Variants in RAB28 observed in about 807,000 individuals in gnomAD.
The protein encoded by RAB28 is ras-related protein Rab-28.
In RAB28, 24 loss-of-function variants were observed where a neutral mutation model predicts 31.7. The observed-to-expected ratio is 0.76, with a 90% CI of 0.55 to 1.06. The LOEUF (loss-of-function observed/expected upper bound fraction) is 1.06, where lower values mean the gene tolerates loss of function less well. RAB28 is among the 50% of genes least tolerant of loss of function. The probability of loss-of-function intolerance (pLI) is 0.00; values close to 1 mark genes in which losing one functional copy is unlikely to be tolerated. For synonymous variants in RAB28, 100 were observed against 90.4 expected, an observed-to-expected ratio of 1.11 and a Z score of -0.60; for missense variants, 254 against 258.5, an observed-to-expected ratio of 0.98 and a Z score of 0.12.
At chr4:13,385,113 G>C (rs1217021045) in intron 4 of RAB28, among the ~76,000 whole-genome samples, 1 of 152,180 alleles carries the variant, frequency 6.6e-6, no homozygotes, top group Non-Finnish European at 1.5e-5. Flanking sequence ...CCCAGAGCCT[G>C]AAGACTGGCT....
At chr4:13,444,421 T>A (rs947398965) in intron 4 of RAB28, among the ~76,000 whole-genome samples, 5 of 152,192 alleles carry the variant, frequency 3.3e-5, no homozygotes, top group Non-Finnish European at 7.3e-5. Flanking sequence ...TATCCATTTA[T>A]CCAATGATGG....
chr4:13,461,810 G>A (rs980811954), intron 3 of RAB28, among the ~76,000 whole-genome samples: 8 of 152,022 alleles, frequency 5.3e-5, no homozygotes, highest in Non-Finnish European at 1.0e-4. Flanking sequence ...CATTTATGTC[G>A]ACTTCTTAGG....
At chr4:13,394,614 G>A (rs1413862300) in intron 4 of RAB28, among the ~76,000 whole-genome samples, 2 of 152,152 alleles carry the variant, frequency 1.3e-5, no homozygotes, top group South Asian at 2.1e-4. Flanking sequence ...AACTGTTTAA[G>A]TCATTGGGAC....
chr4:13,483,434 A>T (rs547205523), intron 1 of RAB28, among the ~76,000 whole-genome samples: 5 of 152,370 alleles, frequency 3.3e-5, no homozygotes, highest in East Asian at 3.9e-4. Context: ...GGTGATGAAC[A>T]GGTATGATAT....
intron 6 of RAB28, among the ~76,000 whole-genome samples, chr4:13,374,546 C>T (rs1270805044): frequency 1.3e-5 from 2 of 152,102 alleles, no homozygotes; most frequent in Non-Finnish European, 2.9e-5. Context: ...AGCACCAGCC[C>T]ACCATTCCCC....
chr4:13,382,056 A>G (rs1729155083), intron 4 of RAB28, among the ~76,000 whole-genome samples: 1 of 152,254 alleles, frequency 6.6e-6, no homozygotes, highest in African/African-American at 2.4e-5. Flanking sequence ...CTTGAATGTT[A>G]GCACAAATAC....
Position 13,483,936 on chromosome 4 carries a change from T to C in RAB28, c.75+140A>G, listed in dbSNP as rs957554940. 6.6e-5 allele frequency: 49 copies of C among 745,454 alleles called. No individual in the cohort carries two copies. In the African/African-American group the frequency reaches 7.5e-4, roughly 11 times the overall value. The allele number at this position is 745,454 out of a possible 1,614,324, so 46.2% of individuals were successfully genotyped here. On this transcript the variant is annotated intron_variant, in intron 1 of 6. Coordinates refer to ENST00000330852, the MANE Select transcript of RAB28 (RefSeq NM_001017979.3). ...CCAAGCGCCCACTTCGTGTCCGGCC[T>C]CAGGCCACACAACCAGAAGGGCCCG...
At chr4:13,454,194 G>C (rs1159250828) in intron 4 of RAB28, among the ~76,000 whole-genome samples, 1 of 151,656 alleles carries the variant, frequency 6.6e-6, no homozygotes, top group Non-Finnish European at 1.5e-5. Context: ...ATTGGTTATG[G>C]GTTATATCCA....
chr4:13,404,375 T>C (rs751672258), intron 4 of RAB28, among the ~76,000 whole-genome samples: 13 of 152,086 alleles, frequency 8.5e-5, no homozygotes, highest in Non-Finnish European at 1.5e-4. Flanking sequence ...CGAAACTCCA[T>C]TTCAGAAAAT....
At chr4:13,482,776 G>C (rs963640136) in intron 1 of RAB28, among the ~76,000 whole-genome samples, 31 of 152,044 alleles carry the variant, frequency 2.0e-4, no homozygotes, top group African/African-American at 7.2e-4. Context: ...AAGAAGACAA[G>C]AAAGAAACAA....
In RAB28 at chr4:13,474,504, A is replaced by G. The variant is rs115759668; in HGVS notation, c.173-98T>C. On this transcript the variant is annotated intron_variant, in intron 2 of 6. Transcript: ENST00000330852. ...TATCACAGAATACTAAGTCACAATA[A>G]GAAACTCTGAGCCCAATTTGCCTTT... 2.9e-3 allele frequency: 1,913 copies of G among 669,522 alleles called. 19 individuals are homozygous for G. In the African/African-American group the frequency reaches 0.031, roughly 11 times the overall value. The allele number at this position is 669,522 out of a possible 1,614,324, so 41.5% of individuals were successfully genotyped here. A position where few individuals can be genotyped will look rare whatever the true frequency, so the allele number is the denominator to read the frequency against.
At chr4:13,401,528 T>A (rs903445014) in intron 4 of RAB28, among the ~76,000 whole-genome samples, 5 of 152,126 alleles carry the variant, frequency 3.3e-5, no homozygotes, top group African/African-American at 9.7e-5. Context: ...AGTAAAATAA[T>A]TTTAAAAAAA....
intron 4 of RAB28, among the ~76,000 whole-genome samples, chr4:13,395,124 A>G (rs1729815592): frequency 6.6e-6 from 1 of 152,356 alleles, no homozygotes; most frequent in African/African-American, 2.4e-5. Flanking sequence ...GTCACTTAAC[A>G]GTCTAAGTTT....
rs535728987 is a variant in RAB28 at position 13,431,783 on chromosome 4, TA to T, written c.391+28915del. The stretch of plus-strand genomic sequence containing the variant: ...TAATACCCTCAAGGAAAAAAAGAAT[TA>T]AAAAAGTAAAAAGCCCCAAAACAAC... On this transcript the variant is annotated intron_variant, in intron 4 of 6. Transcript: ENST00000330852. Among the ~76,000 whole-genome samples the T allele has an allele frequency of 3.6e-4, 55 of 150,702 alleles. No homozygotes were observed. In the South Asian group the frequency reaches 0.012, roughly 32 times the overall value.
At chr4:13,402,708 A>AT (rs1711843114) in intron 4 of RAB28, among the ~76,000 whole-genome samples, 2 of 152,122 alleles carry the variant, frequency 1.3e-5, no homozygotes, top group African/African-American at 4.8e-5. Context: ...TAATTGATAT[A>AT]TTTAGACCAG....
chr4:13,406,830 C>G lies in RAB28; in HGVS notation c.392-25236G>C, dbSNP rs183860690. On this transcript the variant is annotated intron_variant, in intron 4 of 6. Transcript: ENST00000330852. ...AGAAGTGTCTGTTTATATCCTTTGC[C>G]CACTTTTTGATGGGGTTGTTTTTTT... Among the ~76,000 whole-genome samples the G allele has an allele frequency of 1.2e-3, 184 of 152,216 alleles. 1 individual carries two copies. Among genetic ancestry groups the G allele is most frequent in the African/African-American group, 4.2e-3 (176 of 41,538 alleles).
chr4:13,405,679 C>A (rs1712038762), intron 4 of RAB28, among the ~76,000 whole-genome samples: 2 of 151,894 alleles, frequency 1.3e-5, no homozygotes, highest in South Asian at 2.1e-4. Flanking sequence ...ACTACTGAAC[C>A]CTGATTTCCA....
chr4:13,484,218 G>C lies in RAB28; in HGVS notation c.-68C>G. The stretch of plus-strand genomic sequence containing the variant: ...AGGGAAGGATGAAGGCTCCGGGGGC[G>C]GGGGAGAGGAGGAAGGGAGGTAGTT... On this transcript the variant is annotated 5_prime_UTR_variant, in exon 1 of 7. Coordinates refer to ENST00000330852, the MANE Select transcript of RAB28 (RefSeq NM_001017979.3). 7.6e-7 allele frequency: 1 copy of C among 1,313,124 alleles called. No individual in the cohort carries two copies. The highest frequency in any genetic ancestry group is 1.1e-6 in the Non-Finnish European group (1 of 931,382). The allele number at this position is 1,313,124 out of a possible 1,614,324, so 81.3% of individuals were successfully genotyped here. A position where few individuals can be genotyped will look rare whatever the true frequency, so the allele number is the denominator to read the frequency against.
chr4:13,462,752 A>T (rs1715657270), intron 3 of RAB28, among the ~76,000 whole-genome samples: 1 of 152,188 alleles, frequency 6.6e-6, no homozygotes, highest in Non-Finnish European at 1.5e-5. Context: ...CATTTTGGTC[A>T]CTTGAACATC....
Sources: allele counts gnomAD v4.1 joint callset (sites outside exome capture counted in the v4.1 genomes callset), GRCh38; gene constraint gnomAD v4.1.1; transcripts MANE v1.5; gene names NCBI Gene and HGNC (gene_info 2026-07-23, HGNC 2026-07-21).